MME: variants seen among roughly 807,000 people sequenced by gnomAD.
MME encodes membrane metalloendopeptidase, also known as neprilysin.
A neutral mutation model predicts 113.2 loss-of-function variants in MME; 98 were observed. The observed-to-expected ratio is 0.87, with a 90% CI of 0.74 to 1.02. The LOEUF is 1.02. Ranked by LOEUF, MME falls within the 50% of genes least tolerant of loss-of-function variation. MME has a pLI of 0.00. For synonymous variants in MME, 292 were observed against 300.6 expected (o/e 0.97, Z 0.30); for missense variants, 836 against 896.0 (o/e 0.93, Z 0.86).
chr3:155,085,357 TG>T (rs1253490563), intron 3 of MME: 1 of 277,428 alleles, frequency 3.6e-6, no homozygotes, highest in African/African-American at 2.2e-5. Flanking sequence ...GTATGGAGCT[TG>T]CCATGTAGTT....
intron 1 of MME, among the ~76,000 whole-genome samples, chr3:155,042,900 T>TTATATATA (rs1159626877): frequency 1.9e-3 from 120 of 62,922 alleles, no homozygotes; most frequent in East Asian, 4.9e-3. Context: ...ATAGTAGGTT[T>TTATATATA]TATATATATA....
rs532635470 is a variant in MME, at chr3:155,125,022, C to T, written c.720+6211C>T. 1.4e-3 allele frequency among the ~76,000 whole-genome samples: 214 copies of T among 151,916 alleles called. 3 individuals are homozygous for T. In the East Asian group the frequency reaches 0.027, roughly 19 times the overall value. On this transcript the variant is annotated intron_variant, in intron 8 of 22. Transcript: ENST00000360490. ...GGCAGGCGCCCCTCCCCCAGCCTCG[C>T]TGCCGCCTTGCAGTTTGATCTCAGA...
intron 1 of MME, among the ~76,000 whole-genome samples, chr3:155,033,700 AT>A (rs1428056744): frequency 1.5e-4 from 23 of 152,272 alleles, no homozygotes; most frequent in African/African-American, 5.5e-4. Flanking sequence ...GAACTAGCAG[AT>A]TAAACAAATA....
intron 3 of MME, among the ~76,000 whole-genome samples, chr3:155,113,942 C>T (rs1285548527): frequency 6.6e-6 from 1 of 151,948 alleles, no homozygotes; most frequent in Non-Finnish European, 1.5e-5. Flanking sequence ...GCAAACATGC[C>T]AAAAAAGTGG....
intron 3 of MME, among the ~76,000 whole-genome samples, chr3:155,105,362 T>G (rs926563727): frequency 1.3e-5 from 2 of 152,110 alleles, no homozygotes; most frequent in Non-Finnish European, 2.9e-5. Context: ...CTCTGTAGAG[T>G]TTCTGAAAAT....
intron 3 of MME, among the ~76,000 whole-genome samples, chr3:155,087,407 C>T (rs1045560940): frequency 6.6e-6 from 1 of 151,970 alleles, no homozygotes; most frequent in Non-Finnish European, 1.5e-5. Context: ...TTCCCAAAAA[C>T]GAAGTTTCTT....
At chr3:155,088,872 C>T (rs1417103918) in intron 3 of MME, among the ~76,000 whole-genome samples, 3 of 152,024 alleles carry the variant, frequency 2.0e-5, no homozygotes, top group South Asian at 4.2e-4. Flanking sequence ...GAAAGATGGC[C>T]CCAACTTGAA....
At chr3:155,084,023 G>T in intron 1 of MME, 135 bp from the exon 2 acceptor site, 1 of 819,560 alleles carries the variant, frequency 1.2e-6, no homozygotes, top group South Asian at 1.7e-5. Context: ...ACAAAATTTT[G>T]ACTTCTCAAC....
chr3:155,106,540 C>T (rs1717704886), intron 3 of MME, among the ~76,000 whole-genome samples: 1 of 152,116 alleles, frequency 6.6e-6, no homozygotes, highest in South Asian at 2.1e-4. Context: ...AAATGGTTCC[C>T]CAGATTCCAG....
chr3:155,152,292 C>T (rs1254450320), intron 16 of MME, among the ~76,000 whole-genome samples: 2 of 152,168 alleles, frequency 1.3e-5, no homozygotes, highest in Non-Finnish European at 2.9e-5. Flanking sequence ...TCCTTCCTCA[C>T]AGCACCCCAT....
At position 155,160,431 on chromosome 3, in the gene MME, C is replaced by A; in HGVS notation, c.1643C>A (p.Ser548Ter). The A allele has an allele frequency of 6.2e-7, 1 of 1,606,492 alleles. No individual in the cohort carries two copies. The highest frequency in any genetic ancestry group is 8.5e-7 in the Non-Finnish European group (1 of 1,173,504). Residue 548 changes from serine to a stop codon, truncating the protein, a stop_gained, in exon 17 of 23, where the codon TCA (serine) becomes TAA (stop). Coordinates refer to ENST00000360490, the MANE Select transcript of MME (RefSeq NM_007289.4). LOFTEE classifies it high-confidence loss of function. ...GAAVVNAFYS[S>*]GRNQIVFPAG... ...GCTGTAGTCAATGCATTTTACTCTT[C>A]AGGAAGAAATCAGATAGGTAAGGTG... is the stretch of plus-strand genomic sequence containing the variant.
chr3:155,127,204 T>C (rs1719753002), intron 8 of MME, among the ~76,000 whole-genome samples: 1 of 152,134 alleles, frequency 6.6e-6, no homozygotes, highest in Non-Finnish European at 1.5e-5. Flanking sequence ...AAAAGTTTAC[T>C]TCTGTCTGTC....
chr3:155,153,894 T>C (rs553836309), intron 16 of MME, among the ~76,000 whole-genome samples: 3 of 152,284 alleles, frequency 2.0e-5, no homozygotes, highest in East Asian at 3.9e-4. Context: ...CGGGAGTCTA[T>C]GATCTTAAGG....
intron 3 of MME, among the ~76,000 whole-genome samples, chr3:155,103,773 A>T (rs1373621669): frequency 1.3e-5 from 2 of 152,094 alleles, no homozygotes; most frequent in Non-Finnish European, 2.9e-5. Context: ...GAACACCATT[A>T]TTTAGCTAAG....
chr3:155,070,952 C>T (rs1714530322), intron 1 of MME, among the ~76,000 whole-genome samples: 1 of 152,092 alleles, frequency 6.6e-6, no homozygotes, highest in South Asian at 2.1e-4. Context: ...TATTCAATAC[C>T]CTGCTCTCGC....
chr3:155,137,447 C>T (rs1720719296), intron 8 of MME, among the ~76,000 whole-genome samples: 1 of 152,216 alleles, frequency 6.6e-6, no homozygotes, highest in Non-Finnish European at 1.5e-5. Flanking sequence ...TGGCTCACGC[C>T]TGTAATCCCA....
At chr3:155,097,889 A>C (rs1372950455) in intron 3 of MME, among the ~76,000 whole-genome samples, 2 of 152,164 alleles carry the variant, frequency 1.3e-5, no homozygotes. Context: ...GGAAGGCTAT[A>C]ACTTGAAATG....
chr3:155,168,403 A>G lies in MME; in HGVS notation c.1781-89A>G. 4.6e-6 allele frequency: 5 copies of G among 1,091,682 alleles called. No individual in the cohort carries two copies. In the South Asian group the frequency reaches 6.6e-5, roughly 14 times the overall value. The allele number at this position is 1,091,682 out of a possible 1,614,324, so 67.6% of individuals were successfully genotyped here. On this transcript the variant is annotated intron_variant, in intron 18 of 22. Transcript: ENST00000360490. ...CTAATTTAATGTTCTGTCACACAGC[A>G]GTATTTCAGTCCTTGCACTTTGAAT...
At chr3:155,118,871 G>A (rs998423254) in intron 8 of MME, 60 bp downstream of exon 8, 42 of 1,114,676 alleles carry the variant, frequency 3.8e-5, no homozygotes, top group Non-Finnish European at 5.6e-5. Context: ...AAACCTACAA[G>A]TAATGAAAAA....
Sources: allele counts gnomAD v4.1 joint callset (sites outside exome capture counted in the v4.1 genomes callset), GRCh38; gene constraint gnomAD v4.1.1; transcripts MANE v1.5; gene names NCBI Gene and HGNC (gene_info 2026-07-23, HGNC 2026-07-21).